The following MYO16 variants were observed in gnomAD, a reference collection of about 807,000 sequenced individuals.
The protein encoded by MYO16 is unconventional myosin-XVI.
In MYO16, 94 loss-of-function variants were observed where a neutral mutation model predicts 205.3. The ratio of observed to expected loss-of-function variants is 0.46; its 90% CI spans 0.39 to 0.54. The LOEUF is 0.54. Ranked by LOEUF, MYO16 falls within the 20% of genes least tolerant of loss-of-function variation. The pLI, the probability that MYO16 is intolerant of heterozygous loss-of-function variation, is 0.00. For missense variants in MYO16, 2,315 were observed against 2,387.5 expected (o/e 0.97, Z 0.63); for synonymous variants, 988 against 954.0 (o/e 1.04, Z -0.66).
chr13:108,545,571 G>A, the MYO16 span, among the ~76,000 whole-genome samples: 1 of 152,140 alleles, frequency 6.6e-6, no homozygotes, highest in Admixed American at 6.5e-5. Flanking sequence ...TTCACACATT[G>A]CCAAACTGCT....
chr13:108,599,305 T>C (rs1255147760), intron 1 of MYO16, among the ~76,000 whole-genome samples: 3 of 147,906 alleles, frequency 2.0e-5, no homozygotes, highest in African/African-American at 7.5e-5. Context: ...TAAACATACA[T>C]GTGCATGTGT....
intron 23 of MYO16, among the ~76,000 whole-genome samples, chr13:109,043,272 C>T (rs1304140879): frequency 6.6e-6 from 1 of 152,126 alleles, no homozygotes; most frequent in Non-Finnish European, 1.5e-5. Flanking sequence ...AGTCATCGCC[C>T]TGAAGACACT....
chr13:108,656,542 T>A (rs1296381966), intron 1 of MYO16, among the ~76,000 whole-genome samples: 2 of 152,168 alleles, frequency 1.3e-5, no homozygotes, highest in African/African-American at 4.8e-5. Flanking sequence ...ATGTCTGAGA[T>A]CTTCGATATA....
chr13:108,965,858 G>A (rs1883774536), intron 20 of MYO16, among the ~76,000 whole-genome samples: 1 of 152,192 alleles, frequency 6.6e-6, no homozygotes, highest in Non-Finnish European at 1.5e-5. Context: ...ATATTCACAA[G>A]TCTTCACGTA....
chr13:108,742,776 G>T (rs1884949084), intron 4 of MYO16, among the ~76,000 whole-genome samples: 1 of 152,174 alleles, frequency 6.6e-6, no homozygotes, highest in Non-Finnish European at 1.5e-5. Flanking sequence ...TTGAATCAAT[G>T]CAGCTATGCC....
At chr13:109,139,850 C>T (rs1876955292) in intron 31 of MYO16, among the ~76,000 whole-genome samples, 1 of 151,898 alleles carries the variant, frequency 6.6e-6, no homozygotes, top group Non-Finnish European at 1.5e-5. Flanking sequence ...TTTTAACCAC[C>T]AGAGCCGGGT....
chr13:108,909,153 A>G (rs1359453256), intron 15 of MYO16, among the ~76,000 whole-genome samples: 1 of 152,166 alleles, frequency 6.6e-6, no homozygotes, highest in Non-Finnish European at 1.5e-5. Context: ...TAGCTTCTGA[A>G]TTGCTGATCT....
intron 27 of MYO16, among the ~76,000 whole-genome samples, chr13:109,080,884 G>T (rs932939087): frequency 3.3e-5 from 5 of 152,174 alleles, no homozygotes; most frequent in Admixed American, 3.3e-4. Flanking sequence ...CAGGAATGAG[G>T]CTTAAAAAAT....
At chr13:108,764,959 A>G (rs978252000) in intron 4 of MYO16, among the ~76,000 whole-genome samples, 3 of 152,238 alleles carry the variant, frequency 2.0e-5, no homozygotes, top group African/African-American at 4.8e-5. Context: ...TTTTCTCAAT[A>G]AATATAACAT....
intron 1 of MYO16, among the ~76,000 whole-genome samples, chr13:108,646,074 T>C (rs1466637107): frequency 1.3e-5 from 2 of 152,214 alleles, no homozygotes; most frequent in Non-Finnish European, 2.9e-5. Context: ...TCTGGGGCAC[T>C]ACATTTTTCC....
chr13:109,108,284 C>A (rs1038247065), intron 28 of MYO16, among the ~76,000 whole-genome samples: 2 of 152,190 alleles, frequency 1.3e-5, no homozygotes, highest in African/African-American at 4.8e-5. Context: ...AATAAATGAA[C>A]CTCCTACTGA....
At chr13:109,169,759 A>G (rs1022759671) in intron 33 of MYO16, among the ~76,000 whole-genome samples, 1 of 152,240 alleles carries the variant, frequency 6.6e-6, no homozygotes, top group East Asian at 1.9e-4. Context: ...TGGTTTCTCC[A>G]CTAAATGTTT....
rs1391518943 is a variant in MYO16 at position 108,814,295 on chromosome 13, G to A, written c.868-6042G>A. ...GCATTATTGCCATTCTTTCAAATTTGTGGAAAACAAAGGCAATCTTAACTA... is the reference window on the plus strand; with the variant it reads ...GCATTATTGCCATTCTTTCAAATTTATGGAAAACAAAGGCAATCTTAACTA... On this transcript the variant is annotated intron_variant, in intron 7 of 34. Transcript: ENST00000457511. 3.3e-5 allele frequency among the ~76,000 whole-genome samples: 5 copies of A among 151,982 alleles called. No homozygotes were observed. The South Asian group carries it at 1.0e-3, about 31-fold the overall frequency.
At chr13:108,940,080 G>A (rs539928880) in intron 16 of MYO16, among the ~76,000 whole-genome samples, 2 of 152,156 alleles carry the variant, frequency 1.3e-5, no homozygotes, top group African/African-American at 4.8e-5. Context: ...TTCACATATT[G>A]TACCTGTAAA....
chr13:109,109,377 T>G (rs1317878828), intron 28 of MYO16, among the ~76,000 whole-genome samples: 1 of 152,190 alleles, frequency 6.6e-6, no homozygotes, highest in Non-Finnish European at 1.5e-5. Context: ...ACTTTATGTG[T>G]CAAAGTGCAG....
intron 21 of MYO16, among the ~76,000 whole-genome samples, chr13:109,007,710 T>A (rs968889057): frequency 6.6e-6 from 1 of 151,916 alleles, no homozygotes; most frequent in African/African-American, 2.4e-5. Flanking sequence ...GGTTTTTCTT[T>A]AAGATTAAGA....
At chr13:109,003,030 G>A (rs1885268776) in intron 21 of MYO16, among the ~76,000 whole-genome samples, 1 of 152,056 alleles carries the variant, frequency 6.6e-6, no homozygotes, top group East Asian at 1.9e-4. Flanking sequence ...CAAACAATGA[G>A]TGCTTTGAAC....
chr13:109,189,833 A>C (rs1295832030), intron 34 of MYO16, among the ~76,000 whole-genome samples: 8 of 152,174 alleles, frequency 5.3e-5, no homozygotes, highest in African/African-American at 1.9e-4. Context: ...AGTAGGCCCA[A>C]GAAATCTTAG....
chr13:108,751,548 C>G (rs1003695666), intron 4 of MYO16, among the ~76,000 whole-genome samples: 6 of 152,106 alleles, frequency 3.9e-5, no homozygotes, highest in African/African-American at 1.4e-4. Context: ...CATAAACCCC[C>G]ACTCCTGAAA....
Sources: allele counts gnomAD v4.1 joint callset (sites outside exome capture counted in the v4.1 genomes callset), GRCh38; gene constraint gnomAD v4.1.1; transcripts MANE v1.5; gene names NCBI Gene and HGNC (gene_info 2026-07-23, HGNC 2026-07-21).